The following GNAL variants were observed in gnomAD, a reference collection of about 807,000 sequenced individuals.
The protein encoded by GNAL is G protein subunit alpha L.
Under a neutral mutation model 55.1 loss-of-function variants are expected in GNAL, and 18 were observed. The observed-to-expected ratio is 0.33, with a 90% CI of 0.23 to 0.48. GNAL has a LOEUF of 0.48. Among genes scored for constraint, GNAL ranks in the 20% least tolerant of loss-of-function variants. The probability of loss-of-function intolerance (pLI) is 0.99; values close to 1 mark genes in which losing one functional copy is unlikely to be tolerated. For missense variants in GNAL, 412 were observed against 614.1 expected (o/e 0.67, Z 3.48); for synonymous variants, 253 against 237.0 (o/e 1.07, Z -0.62).
chr18:11,786,510 GC>G (rs2034065796), intron 4 of GNAL, among the ~76,000 whole-genome samples: 1 of 131,668 alleles, frequency 7.6e-6, no homozygotes, highest in Non-Finnish European at 1.6e-5. Context: ...GTGCAGTGGC[GC>G]TGTCTCAGCT....
intron 4 of GNAL, among the ~76,000 whole-genome samples, chr18:11,800,663 G>A (rs2143502417): frequency 6.6e-6 from 1 of 152,296 alleles, no homozygotes; most frequent in African/African-American, 2.4e-5. Flanking sequence ...GTTATACTCA[G>A]GTACAGCAGA....
intron 1 of GNAL, among the ~76,000 whole-genome samples, chr18:11,692,742 C>T (rs2031289344): frequency 6.7e-6 from 1 of 148,698 alleles, no homozygotes; most frequent in African/African-American, 2.5e-5. Context: ...CATAGTAAAA[C>T]CCCATCTCTA....
chr18:11,801,219 G>A (rs1338967739), intron 4 of GNAL, among the ~76,000 whole-genome samples: 1 of 152,118 alleles, frequency 6.6e-6, no homozygotes, highest in Admixed American at 6.5e-5. Flanking sequence ...TAGTATAGGG[G>A]GTGATACAGA....
At chr18:11,763,039 T>C (rs929525457) in intron 4 of GNAL, among the ~76,000 whole-genome samples, 2 of 152,244 alleles carry the variant, frequency 1.3e-5, no homozygotes, top group South Asian at 4.1e-4. Flanking sequence ...GTATTAGAGC[T>C]TCAATAAAGA....
chr18:11,817,958 A>G (rs1178826200), intron 4 of GNAL, among the ~76,000 whole-genome samples: 2 of 151,422 alleles, frequency 1.3e-5, no homozygotes, highest in African/African-American at 4.9e-5. Context: ...TATACTGGCC[A>G]GGCACTATGC....
At chr18:11,867,328 A>G in intron 8 of GNAL, 102 bp downstream of exon 8, 1 of 764,358 alleles carries the variant, frequency 1.3e-6, no homozygotes, top group Non-Finnish European at 2.3e-6. Flanking sequence ...ACTAATATGT[A>G]AAGTATAGCA....
At chr18:11,860,505 A>G (rs1227366252) in intron 5 of GNAL, among the ~76,000 whole-genome samples, 1 of 152,244 alleles carries the variant, frequency 6.6e-6, no homozygotes, top group African/African-American at 2.4e-5. Flanking sequence ...GAACTAACAA[A>G]GACGGATTAA....
chr18:11,825,362 A>G (rs1163960449), intron 5 of GNAL, among the ~76,000 whole-genome samples: 2 of 152,214 alleles, frequency 1.3e-5, no homozygotes, highest in Non-Finnish European at 2.9e-5. Flanking sequence ...GCCTCAAATT[A>G]TATTTTAAAA....
chr18:11,825,529 G>A (rs944355670), intron 5 of GNAL, among the ~76,000 whole-genome samples: 4 of 151,966 alleles, frequency 2.6e-5, no homozygotes, highest in Admixed American at 1.3e-4. Context: ...TCAGGAGTTC[G>A]AGACCAGCCT....
chr18:11,761,781 C>T (rs2033252425), intron 4 of GNAL, among the ~76,000 whole-genome samples: 1 of 152,182 alleles, frequency 6.6e-6, no homozygotes. Context: ...TGAAATGCAC[C>T]CTGACTGCAC....
intron 5 of GNAL, among the ~76,000 whole-genome samples, chr18:11,845,782 AGAGAG>A (rs1567889125): frequency 6.7e-6 from 1 of 148,780 alleles, no homozygotes; most frequent in East Asian, 2.1e-4. Flanking sequence ...AGAGAGAGAG[AGAGAG>A]AAAGAGAGAG....
intron 9 of GNAL, 118 bp from the exon 10 acceptor site, chr18:11,872,150 G>C (rs565397634): frequency 1.5e-6 from 1 of 664,348 alleles, no homozygotes; most frequent in Non-Finnish European, 2.6e-6. Context: ...GAACTTTCTT[G>C]AATCCTATAC....
chr18:11,875,883 C>T (rs1187995419), intron 10 of GNAL, among the ~76,000 whole-genome samples: 2 of 152,196 alleles, frequency 1.3e-5, no homozygotes, highest in African/African-American at 4.8e-5. Flanking sequence ...CCGGCCGATT[C>T]AGTGTCTGGT....
chr18:11,764,897 T>C (rs1291054180), intron 4 of GNAL, among the ~76,000 whole-genome samples: 4 of 152,216 alleles, frequency 2.6e-5, no homozygotes, highest in Non-Finnish European at 5.9e-5. Context: ...AGACTGTACA[T>C]ACTGAAGACT....
At chr18:11,768,603 A>G (rs1464484499) in intron 4 of GNAL, among the ~76,000 whole-genome samples, 2 of 136,378 alleles carry the variant, frequency 1.5e-5, no homozygotes, top group Non-Finnish European at 3.2e-5. Flanking sequence ...CTCCATCTCG[A>G]AAAAAAAAAG....
At chr18:11,840,970 C>T (rs1405822232) in intron 5 of GNAL, among the ~76,000 whole-genome samples, 1 of 151,198 alleles carries the variant, frequency 6.6e-6, no homozygotes, top group Non-Finnish European at 1.5e-5. Flanking sequence ...ACCTCCCAGG[C>T]TCAAGTGACC....
chr18:11,714,517 ATAAAG>A (rs1206700940), intron 1 of GNAL, among the ~76,000 whole-genome samples: 5 of 152,196 alleles, frequency 3.3e-5, no homozygotes, highest in African/African-American at 9.7e-5. Flanking sequence ...TTTATATGAG[ATAAAG>A]TAAATGTAGA....
intron 1 of GNAL, among the ~76,000 whole-genome samples, chr18:11,723,011 CAAAAAAAA>C (rs61457198): frequency 5.0e-5 from 4 of 80,002 alleles, no homozygotes; most frequent in South Asian, 4.7e-4. Flanking sequence ...AACTTCATCT[CAAAAAAAA>C]AAAAAAAAAA....
chr18:11,711,155 G>C (rs1221627599), intron 1 of GNAL, among the ~76,000 whole-genome samples: 1 of 152,170 alleles, frequency 6.6e-6, no homozygotes, highest in Non-Finnish European at 1.5e-5. Flanking sequence ...GATTACAGGC[G>C]TGAGCCACCA....
Sources: allele counts gnomAD v4.1 joint callset (sites outside exome capture counted in the v4.1 genomes callset), GRCh38; gene constraint gnomAD v4.1.1; transcripts MANE v1.5; gene names NCBI Gene and HGNC (gene_info 2026-07-23, HGNC 2026-07-21).